MAML2: variants seen among roughly 807,000 people sequenced by gnomAD.
The protein encoded by MAML2 is mastermind like transcriptional coactivator 2, also known as mastermind-like protein 2.
MAML2 carries 22 observed loss-of-function variants against 96.1 expected under a neutral mutation model. The observed-to-expected ratio is 0.23, with a 90% confidence interval of 0.16 to 0.33. MAML2 has a LOEUF of 0.33. Among genes scored for constraint, MAML2 ranks in the 10% least tolerant of loss-of-function variants. MAML2 has a pLI of 1.00. For missense variants in MAML2, 1,367 were observed against 1,392.4 expected (o/e 0.98, Z 0.29); for synonymous variants, 561 against 521.3 (o/e 1.08, Z -1.04).
intron 2 of MAML2, among the ~76,000 whole-genome samples, chr11:96,011,832 C>G (rs1204398951): frequency 6.6e-6 from 1 of 152,186 alleles, no homozygotes. Flanking sequence ...ATTCCCACCT[C>G]TCACATGAGT....
At chr11:96,292,143 G>A (rs1863222446) in intron 1 of MAML2, among the ~76,000 whole-genome samples, 1 of 152,164 alleles carries the variant, frequency 6.6e-6, no homozygotes, top group Non-Finnish European at 1.5e-5. Context: ...TCCTTGGATA[G>A]AACTCAGCTA....
At chr11:96,149,432 A>AAAAAT (rs59453325) in intron 1 of MAML2, among the ~76,000 whole-genome samples, 2,201 of 112,540 alleles carry the variant, frequency 0.02, 320 homozygotes, top group African/African-American at 0.058. Context: ...AAAAAAAAAA[A>AAAAAT]TGAGAAGTTA....
At chr11:96,166,132 C>G (rs893508996) in intron 1 of MAML2, among the ~76,000 whole-genome samples, 2 of 150,418 alleles carry the variant, frequency 1.3e-5, no homozygotes, top group Admixed American at 1.3e-4. Flanking sequence ...GTCTCTCTTT[C>G]TCTGTCTCTC....
At position 96,092,154 on chromosome 11, in the gene MAML2, G is replaced by A; in HGVS notation, c.1877C>T (p.Ala626Val). 2 of 1,544,154 alleles carry A rather than the reference G, an allele frequency of 1.3e-6. No individual in the cohort carries two copies. The highest frequency in any genetic ancestry group is 1.7e-6 in the Non-Finnish European group (2 of 1,144,756). ...GCTCTGCTGCTGTTGCTGTTGTTGA[G>A]CTGAAATTGAACTCTGCTGTTGCTG... is the stretch of plus-strand genomic sequence containing the variant. ...QQQQQQSSISAQQQQQQQSSI... is the reference protein window; with the variant it reads ...QQQQQQSSISVQQQQQQQSSI... The change falls in exon 2 of 5, where the codon GCT becomes GTT. Residue 626 changes from alanine (A) to valine (V), a missense_variant. Ala to Val is a moderately conservative substitution (Grantham distance 64). Transcript: ENST00000524717. This position sits in a 1 kb window ranked among gnomAD's most constrained non-coding sequence, Gnocchi z 4.1.
intron 1 of MAML2, among the ~76,000 whole-genome samples, chr11:96,204,817 C>T (rs1591071331): frequency 1.3e-5 from 2 of 152,196 alleles, no homozygotes; most frequent in Non-Finnish European, 2.9e-5. Flanking sequence ...GAAGGTGTAA[C>T]ATGTTTTCGA....
chr11:96,110,387 T>G (rs1477966109), intron 1 of MAML2, among the ~76,000 whole-genome samples: 1 of 152,260 alleles, frequency 6.6e-6, no homozygotes, highest in Non-Finnish European at 1.5e-5. Context: ...TTCCGCCATC[T>G]TGCCTAATTC....
chr11:96,336,732 A>G (rs921445057), intron 1 of MAML2, among the ~76,000 whole-genome samples: 3 of 152,176 alleles, frequency 2.0e-5, no homozygotes, highest in Non-Finnish European at 2.9e-5. Context: ...ACAAACAACA[A>G]CAAAAAAACA....
chr11:96,208,730 G>T (rs1861927836), intron 1 of MAML2, among the ~76,000 whole-genome samples: 1 of 152,054 alleles, frequency 6.6e-6, no homozygotes, highest in South Asian at 2.1e-4. Context: ...TCTCTGAATT[G>T]CCAGAAAAAG....
intron 2 of MAML2, among the ~76,000 whole-genome samples, chr11:96,081,722 G>A (rs369461818): frequency 8.0e-4 from 122 of 152,156 alleles, no homozygotes; most frequent in African/African-American, 2.6e-3. Flanking sequence ...CCCTGTGTTC[G>A]TTGTATATCT....
chr11:96,011,442 A>G (rs980937004), intron 2 of MAML2, among the ~76,000 whole-genome samples: 1 of 152,194 alleles, frequency 6.6e-6, no homozygotes, highest in East Asian at 1.9e-4. Context: ...GCTGGAGGCC[A>G]TTCTTGTAAG....
rs566738015 is a variant in MAML2 at position 96,175,517 on chromosome 11, G to A, written c.514-82000C>T. 2.0e-5 allele frequency among the ~76,000 whole-genome samples: 3 copies of A among 152,270 alleles called. No homozygotes were observed. The South Asian group carries it at 6.2e-4, about 32-fold the overall frequency. ...TCCACTTTAGCAATATTTGTCCTTA[G>A]CATAACAAGGACATGGAAAGTCAGT... is the stretch of plus-strand genomic sequence containing the variant. On this transcript the variant is annotated intron_variant, in intron 1 of 4. Coordinates refer to ENST00000524717, the MANE Select transcript of MAML2 (RefSeq NM_032427.4).
intron 2 of MAML2, among the ~76,000 whole-genome samples, chr11:95,998,297 T>C (rs1022750991): frequency 3.9e-5 from 6 of 152,144 alleles, no homozygotes; most frequent in African/African-American, 1.4e-4. Context: ...TCATTCAACC[T>C]CTGCTAAAAT....
intron 2 of MAML2, among the ~76,000 whole-genome samples, chr11:96,008,089 GT>G (rs1406174941): frequency 9.9e-5 from 15 of 151,648 alleles, no homozygotes; most frequent in Non-Finnish European, 1.6e-4. Flanking sequence ...ATAACAACAT[GT>G]TTTACCTGGG....
chr11:96,183,244 T>G lies in MAML2; in HGVS notation c.514-89727A>C, dbSNP rs527803694. Among the ~76,000 whole-genome samples, 57 of 150,738 alleles carry G rather than the reference T, an allele frequency of 3.8e-4. No homozygotes were observed. The South Asian group carries it at 5.9e-3, about 16-fold the overall frequency. The stretch of plus-strand genomic sequence containing the variant: ...AACGCGCTGGGATTACAGGCACGAG[T>G]CACTGCACCTGGCCTTGAACATCAT... On this transcript the variant is annotated intron_variant, in intron 1 of 4. Transcript: ENST00000524717.
intron 1 of MAML2, among the ~76,000 whole-genome samples, chr11:96,231,449 A>C (rs781288266): frequency 5.3e-5 from 8 of 152,166 alleles, no homozygotes; most frequent in Non-Finnish European, 1.2e-4. Flanking sequence ...GAGCTGGGAG[A>C]TAATCAATCA....
At chr11:96,244,452 C>A (rs1465301021) in intron 1 of MAML2, among the ~76,000 whole-genome samples, 1 of 152,136 alleles carries the variant, frequency 6.6e-6, no homozygotes, top group Non-Finnish European at 1.5e-5. Flanking sequence ...TACTGGTATT[C>A]TGAAGTGTAT....
intron 1 of MAML2, among the ~76,000 whole-genome samples, chr11:96,199,895 T>G (rs563479487): frequency 2.6e-5 from 4 of 152,330 alleles, no homozygotes; most frequent in South Asian, 2.1e-4. Flanking sequence ...CCTCTATATT[T>G]TATCAATTTG....
At chr11:96,132,619 T>C (rs1409973423) in intron 1 of MAML2, among the ~76,000 whole-genome samples, 1 of 152,236 alleles carries the variant, frequency 6.6e-6, no homozygotes, top group Non-Finnish European at 1.5e-5. Context: ...TGAGTCATTC[T>C]GCAAACATAA....
chr11:96,299,061 A>ATATATATATATATATATG (rs1863349771), intron 1 of MAML2, among the ~76,000 whole-genome samples: 2 of 55,070 alleles, frequency 3.6e-5, no homozygotes, highest in Middle Eastern at 8.5e-3. Context: ...AAAAAAAAAA[A>ATATATATATATATATATG]TATATATATA....
Sources: allele counts gnomAD v4.1 joint callset (sites outside exome capture counted in the v4.1 genomes callset), GRCh38; gene constraint gnomAD v4.1.1; non-coding constraint Gnocchi (gnomAD v3.1); transcripts MANE v1.5; gene names NCBI Gene and HGNC (gene_info 2026-07-23, HGNC 2026-07-21).